The following TCF20 variants were observed in gnomAD, a reference collection of about 807,000 sequenced individuals.
The protein encoded by TCF20 is transcription factor 20, also known as SPRE-binding protein.
TCF20 carries 3 observed loss-of-function variants against 148.6 expected under a neutral mutation model. The ratio of observed to expected loss-of-function variants is 0.02; its 90% CI spans 0.01 to 0.05. TCF20 has a LOEUF of 0.05. TCF20 is among the 10% of genes least tolerant of loss of function. The pLI, the probability that TCF20 is intolerant of heterozygous loss-of-function variation, is 1.00. For missense variants in TCF20, 2,350 were observed against 2,429.3 expected (o/e 0.97, Z 0.69); for synonymous variants, 1,049 against 909.5 (o/e 1.15, Z -2.76).
intron 1 of TCF20, among the ~76,000 whole-genome samples, chr22:42,249,759 A>T (rs1925212886): frequency 6.6e-6 from 1 of 152,240 alleles, no homozygotes; most frequent in African/African-American, 2.4e-5. Context: ...TCAATGGTGT[A>T]TTATTTCTGC....
At chr22:42,216,495 T>C (rs146790422) in intron 1 of TCF20, among the ~76,000 whole-genome samples, 1 of 152,308 alleles carries the variant, frequency 6.6e-6, no homozygotes, top group East Asian at 1.9e-4. Context: ...TCTTGGCATA[T>C]GACTGTGTCT....
At chr22:42,238,365 T>C (rs908078505) in intron 1 of TCF20, among the ~76,000 whole-genome samples, 27 of 152,300 alleles carry the variant, frequency 1.8e-4, no homozygotes, top group African/African-American at 5.8e-4. Context: ...TTGCGGCTGG[T>C]TGATTTTCCA....
At chr22:42,262,539 G>T (rs1437315286) in intron 1 of TCF20, among the ~76,000 whole-genome samples, 1 of 152,126 alleles carries the variant, frequency 6.6e-6, no homozygotes, top group Admixed American at 6.5e-5. Flanking sequence ...TGTCGAGCAG[G>T]AGTTGAAGGC....
intron 1 of TCF20, 151 bp from the exon 2 acceptor site, chr22:42,215,492 C>CTCTTGTCTCAAAA: frequency 9.7e-7 from 1 of 1,032,388 alleles, no homozygotes; most frequent in Non-Finnish European, 1.3e-6. Flanking sequence ...TTTTTTGAGA[C>CTCTTGTCTCAAAA]AAGAGTCTCA....
chr22:42,273,360 CAAAAAAAAAAA>C (rs35166029), upstream of TCF20, among the ~76,000 whole-genome samples: 32 of 61,270 alleles, frequency 5.2e-4, no homozygotes, highest in South Asian at 9.7e-4. Context: ...AACTCCGTCT[CAAAAAAAAAAA>C]AAAAAAAAAA....
At chr22:42,165,550 G>A (rs1467409933) in intron 5 of TCF20, among the ~76,000 whole-genome samples, 1 of 152,242 alleles carries the variant, frequency 6.6e-6, no homozygotes, top group Non-Finnish European at 1.5e-5. Flanking sequence ...GCCTGCAGAA[G>A]GACTTTTCCC....
chr22:42,339,066 T>A (rs1928118295), intron 1 of TCF20, among the ~76,000 whole-genome samples: 1 of 152,066 alleles, frequency 6.6e-6, no homozygotes. Flanking sequence ...AAAAGCTCTG[T>A]GAGGCAGGCA....
At chr22:42,303,513 TC>T (rs1255700564) in intron 1 of TCF20, among the ~76,000 whole-genome samples, 1 of 152,272 alleles carries the variant, frequency 6.6e-6, no homozygotes, top group Admixed American at 6.5e-5. Context: ...TACACCGTTT[TC>T]CAGCCGAGGG....
At chr22:42,285,213 T>C (rs974234900), upstream of TCF20, among the ~76,000 whole-genome samples, 1 of 152,098 alleles carries the variant, frequency 6.6e-6, no homozygotes, top group Admixed American at 6.5e-5. The surrounding 1 kb of genome is among the most constrained non-coding windows in gnomAD (Gnocchi z 4.2). Flanking sequence ...TGCCCCAAAC[T>C]TGGCACACGC....
chr22:42,212,357 G>A lies in TCF20; in HGVS notation c.2949C>T (p.Ser983=). ...DSLSDYGPQD[S]RPTPMRRVPG... is the part of the protein sequence containing the mutation. The stretch of plus-strand genomic sequence containing the variant: ...GGACCCGCCGCATTGGCGTGGGTCT[G>A]CTGTCTTGCGGGCCATAGTCTGAAA... The change falls in exon 2 of 6, where the codon AGC becomes AGT. Residue 983 remains serine, a synonymous_variant. Coordinates refer to ENST00000677622, the MANE Select transcript of TCF20 (RefSeq NM_001378418.1). The A allele has an allele frequency of 6.2e-7, 1 of 1,614,244 alleles. No homozygotes were observed. Among genetic ancestry groups the A allele is most frequent in the Non-Finnish European group, 8.5e-7 (1 of 1,180,044 alleles).
intron 1 of TCF20, among the ~76,000 whole-genome samples, chr22:42,309,469 C>T (rs1927493705): frequency 6.6e-6 from 1 of 152,056 alleles, no homozygotes; most frequent in Non-Finnish European, 1.5e-5. Context: ...TGGCCTGACC[C>T]ACCTCCCCAG....
chr22:42,184,218 C>T (rs986629923), intron 2 of TCF20, among the ~76,000 whole-genome samples: 3 of 152,094 alleles, frequency 2.0e-5, no homozygotes, highest in African/African-American at 7.2e-5. Context: ...AAACAAGAGG[C>T]TAAAGCAAAG....
At chr22:42,199,541 C>T (rs1453866057) in intron 2 of TCF20, among the ~76,000 whole-genome samples, 1 of 151,890 alleles carries the variant, frequency 6.6e-6, no homozygotes, top group Non-Finnish European at 1.5e-5. Context: ...CTTGGTTTTT[C>T]ACCACATTGT....
At chr22:42,203,733 A>G (rs1404333892) in intron 2 of TCF20, among the ~76,000 whole-genome samples, 1 of 152,194 alleles carries the variant, frequency 6.6e-6, no homozygotes, top group African/African-American at 2.4e-5. Flanking sequence ...AACAAAAAGC[A>G]AGTGCTTGCC....
intron 1 of TCF20, among the ~76,000 whole-genome samples, chr22:42,265,154 G>T (rs1926216200): frequency 6.6e-6 from 1 of 152,206 alleles, no homozygotes; most frequent in Admixed American, 6.5e-5. Flanking sequence ...AGTACTGATT[G>T]TGTTTGTCGC....
chr22:42,169,939 G>A, intron 3 of TCF20, 43 bp from the exon 4 acceptor site: 9 of 1,596,620 alleles, frequency 5.6e-6, no homozygotes, highest in Non-Finnish European at 7.7e-6. Context: ...CTTCACAGCT[G>A]GACATAGGTG....
At chr22:42,186,148 A>C (rs573482777) in intron 2 of TCF20, among the ~76,000 whole-genome samples, 53 of 152,244 alleles carry the variant, frequency 3.5e-4, no homozygotes, top group Non-Finnish European at 5.6e-4. Context: ...TGTGTACTTA[A>C]GACAAAAGTT....
chr22:42,215,414 A>AGG (rs770412147), intron 1 of TCF20, 73 bp from the exon 2 acceptor site: 53 of 1,485,054 alleles, frequency 3.6e-5, no homozygotes, highest in Non-Finnish European at 4.6e-5. Context: ...TAGATGATGG[A>AGG]GGGAATAAAG....
intron 1 of TCF20, among the ~76,000 whole-genome samples, chr22:42,289,854 G>A (rs964749353): frequency 6.6e-6 from 1 of 152,126 alleles, no homozygotes; most frequent in Admixed American, 6.5e-5. Context: ...CCCCGCCCCC[G>A]AGCTTTTTCC....
Sources: allele counts gnomAD v4.1 joint callset (sites outside exome capture counted in the v4.1 genomes callset), GRCh38; gene constraint gnomAD v4.1.1; non-coding constraint Gnocchi (gnomAD v3.1); transcripts MANE v1.5; gene names NCBI Gene and HGNC (gene_info 2026-07-23, HGNC 2026-07-21).